The following CLSTN1 variants were observed in gnomAD, a reference collection of about 807,000 sequenced individuals.
CLSTN1 encodes calsyntenin 1, also known as calsyntenin-1.
CLSTN1 carries 28 observed loss-of-function variants against 108.3 expected under a neutral mutation model. The ratio of observed to expected loss-of-function variants is 0.26; its 90% CI spans 0.19 to 0.35. The LOEUF is 0.35. Among genes scored for constraint, CLSTN1 ranks in the 10% least tolerant of loss-of-function variants. The pLI is 1.00. For missense variants in CLSTN1, 1,157 were observed against 1,302.6 expected, an observed-to-expected ratio of 0.89 and a Z score of 1.72; for synonymous variants, 524 against 534.9, an observed-to-expected ratio of 0.98 and a Z score of 0.28.
intron 1 of CLSTN1, among the ~76,000 whole-genome samples, chr1:9,781,681 G>A (rs1218065923): frequency 6.6e-6 from 1 of 152,110 alleles, no homozygotes; most frequent in African/African-American, 2.4e-5. Context: ...GGCCTCAGGT[G>A]ATCCGCCCAA....
intron 1 of CLSTN1, among the ~76,000 whole-genome samples, chr1:9,784,153 C>T (rs937079001): frequency 1.5e-5 from 2 of 133,196 alleles, no homozygotes; most frequent in Non-Finnish European, 3.1e-5. Flanking sequence ...GCCTGGGCGA[C>T]AGGAGCGAAA....
At chr1:9,770,458 T>C (rs559607227) in intron 2 of CLSTN1, among the ~76,000 whole-genome samples, 23 of 152,358 alleles carry the variant, frequency 1.5e-4, no homozygotes, top group African/African-American at 5.5e-4. Flanking sequence ...TTCGTGCAGT[T>C]AAAGATGTAG....
chr1:9,810,904 A>T (rs1488353132), intron 1 of CLSTN1, among the ~76,000 whole-genome samples: 1 of 152,136 alleles, frequency 6.6e-6, no homozygotes, highest in African/African-American at 2.4e-5. Context: ...TCTCTGATCA[A>T]TTCTCTTGCT....
At chr1:9,748,654 G>A (rs375833354) in intron 7 of CLSTN1, among the ~76,000 whole-genome samples, 13 of 152,102 alleles carry the variant, frequency 8.5e-5, no homozygotes, top group African/African-American at 3.1e-4. Context: ...TGCCCGGCTA[G>A]TTTTTGTTTT....
At chr1:9,771,484 G>A (rs904313512) in intron 2 of CLSTN1, among the ~76,000 whole-genome samples, 1 of 152,096 alleles carries the variant, frequency 6.6e-6, no homozygotes, top group Admixed American at 6.5e-5. Flanking sequence ...CGTGGTGGCA[G>A]GCACCTGTAA....
rs1267631454 is a variant in CLSTN1 at position 9,745,224 on chromosome 1, G to A, written c.986-581C>T. Among the ~76,000 whole-genome samples, 34 of 97,858 alleles carry A rather than the reference G, an allele frequency of 3.5e-4. No individual in the cohort carries two copies. The East Asian group carries it at 3.7e-3, about 11-fold the overall frequency. 64.2% of individuals were successfully genotyped at this position (97,858 alleles called of 152,430 possible). On this transcript the variant is annotated intron_variant, in intron 7 of 18. Coordinates refer to ENST00000377298, the MANE Select transcript of CLSTN1 (RefSeq NM_001009566.3). ...AGCCTGGGCAACAGAGCGAGACTCC[G>A]TCTCAAAAAAAAAAAAAAAAAACAA...
At chr1:9,778,618 T>C (rs887282828) in intron 1 of CLSTN1, among the ~76,000 whole-genome samples, 5 of 152,092 alleles carry the variant, frequency 3.3e-5, no homozygotes, top group East Asian at 3.9e-4. Context: ...AGGGACTTAA[T>C]ATGAAATCAA....
intron 1 of CLSTN1, among the ~76,000 whole-genome samples, chr1:9,789,984 AT>A (rs774503377): frequency 1.3e-5 from 2 of 151,488 alleles, no homozygotes; most frequent in Non-Finnish European, 2.9e-5. Context: ...ATCTAAAAAA[AT>A]AAAGTAAAAT....
intron 1 of CLSTN1, among the ~76,000 whole-genome samples, chr1:9,785,536 C>T (rs1027116484): frequency 4.6e-5 from 7 of 152,114 alleles, no homozygotes; most frequent in African/African-American, 1.4e-4. Flanking sequence ...GGGGCTGTCC[C>T]GTGCATTGTG....
intron 1 of CLSTN1, among the ~76,000 whole-genome samples, chr1:9,788,729 G>A (rs554602126): frequency 2.6e-5 from 4 of 151,056 alleles, no homozygotes; most frequent in East Asian, 2.0e-4. Context: ...TTTGCCAGGC[G>A]TGGTGGCGGG....
In CLSTN1 at chr1:9,806,600, C is replaced by T. The variant is rs149751115; in HGVS notation, c.91+17043G>A. 8.4e-3 allele frequency among the ~76,000 whole-genome samples: 1,275 copies of T among 152,290 alleles called. 61 individuals carry two copies. The highest frequency in any genetic ancestry group is 0.069 in the Admixed American group (1,059 of 15,286). ...AAAATCTATAAAAATAGACACGAGG[C>T]CGGGCGCGGTGGCTCACGCCTGTAA... is the stretch of plus-strand genomic sequence containing the variant. On this transcript the variant is annotated intron_variant, in intron 1 of 18. Transcript: ENST00000377298.
At chr1:9,743,643 G>A (rs1430869352) in intron 9 of CLSTN1, among the ~76,000 whole-genome samples, 1 of 151,934 alleles carries the variant, frequency 6.6e-6, no homozygotes, top group Non-Finnish European at 1.5e-5. Context: ...GACCTCCTGG[G>A]CTCCATCAAT....
chr1:9,750,158 A>G lies in CLSTN1; in HGVS notation c.650-245T>C, dbSNP rs1425514534. The G allele has an allele frequency of 9.8e-6, 4 of 407,304 alleles. No individual in the cohort carries two copies. In the East Asian group the frequency reaches 1.7e-4, roughly 18 times the overall value. 25.2% of individuals were successfully genotyped at this position (407,304 alleles called of 1,614,324 possible). A position where few individuals can be genotyped will look rare whatever the true frequency, so the allele number is the denominator to read the frequency against. On this transcript the variant is annotated intron_variant, in intron 5 of 18. Transcript: ENST00000377298. ...CAGCTCAGTCTCCACTTACTCTCAC[A>G]GTGTTACATTGGGCTTTACATTAAG...
chr1:9,735,507 TGGG>T lies in CLSTN1; in HGVS notation c.1840_1842del (p.Pro614del). 1 of 1,614,144 alleles carries T rather than the reference TGGG, an allele frequency of 6.2e-7. No homozygotes were observed. The highest frequency in any genetic ancestry group is 8.5e-7 in the Non-Finnish European group (1 of 1,180,024). ...ATTTTGAGTCTGCGAATTCCGGGCGTGGGGAACTGCCGGGAGTTCAGGTACGAG... is the reference window on the plus strand; with the variant it reads ...ATTTTGAGTCTGCGAATTCCGGGCGTGAACTGCCGGGAGTTCAGGTACGAG... On this transcript the variant is annotated inframe_deletion, in exon 13 of 19. Transcript: ENST00000377298.
intron 1 of CLSTN1, among the ~76,000 whole-genome samples, chr1:9,775,801 A>C (rs946467185): frequency 2.0e-5 from 3 of 152,234 alleles, no homozygotes; most frequent in East Asian, 1.9e-4. Flanking sequence ...AGTGTGAGTC[A>C]ATCCAGAAGG....
chr1:9,812,395 A>T (rs746127352), intron 1 of CLSTN1, among the ~76,000 whole-genome samples: 1 of 152,186 alleles, frequency 6.6e-6, no homozygotes, highest in Non-Finnish European at 1.5e-5. Flanking sequence ...GATGCAGCTG[A>T]CAAGAGACAC....
chr1:9,731,494 G>A (rs766117097), intron 17 of CLSTN1, 104 bp from the exon 18 acceptor site: 10 of 1,245,176 alleles, frequency 8.0e-6, no homozygotes, highest in African/African-American at 1.5e-5. Context: ...TGGACAGCAC[G>A]CTTCAGCTGA....
chr1:9,805,075 G>A (rs573367804), intron 1 of CLSTN1, among the ~76,000 whole-genome samples: 7 of 151,916 alleles, frequency 4.6e-5, no homozygotes, highest in Non-Finnish European at 8.8e-5. Context: ...AGCCGAGATC[G>A]CGCCATAGTA....
intron 2 of CLSTN1, among the ~76,000 whole-genome samples, chr1:9,772,965 C>T (rs2101160630): frequency 6.6e-6 from 1 of 152,268 alleles, no homozygotes; most frequent in East Asian, 1.9e-4. Context: ...CTCTACATTC[C>T]TCAGGTACTC....
Sources: gnomAD v4.1 joint callset for allele counts (sites outside exome capture counted in the v4.1 genomes callset) on GRCh38, gnomAD v4.1.1 for gene constraint, MANE v1.5 for transcripts, NCBI Gene and HGNC (gene_info 2026-07-23, HGNC 2026-07-21) for gene names.